The following INTS2 variants were observed in gnomAD, a reference collection of about 807,000 sequenced individuals.
INTS2 encodes integrator complex subunit 2.
INTS2 carries 57 observed loss-of-function variants against 139.6 expected under a neutral mutation model. That is an observed-to-expected ratio of 0.41 (90% CI 0.33 to 0.51). INTS2 has a LOEUF of 0.51. Among genes scored for constraint, INTS2 ranks in the 20% least tolerant of loss-of-function variants. The pLI, the probability that INTS2 is intolerant of heterozygous loss-of-function variation, is 0.28. For synonymous variants in INTS2, 473 were observed against 493.4 expected (o/e 0.96, Z 0.55); for missense variants, 1,196 against 1,436.7 (o/e 0.83, Z 2.71).
At position 61,868,967 on chromosome 17, in the gene INTS2, A is replaced by C; in HGVS notation, c.3244+67T>G. ...ACAGAAAAAACATATTGCATCACTA[A>C]ATGCAGAAAATATAGGAACTATAAT... On this transcript the variant is annotated intron_variant, in intron 23 of 24. Transcript: ENST00000251334. The surrounding 1 kb of genome is among the most constrained non-coding windows in gnomAD (Gnocchi z 4.7). 1.1e-6 allele frequency: 1 copy of C among 937,614 alleles called. No homozygotes were observed. The highest frequency in any genetic ancestry group is 1.6e-5 in the African/African-American group (1 of 61,034). 58.1% of individuals were successfully genotyped at this position (937,614 alleles called of 1,614,324 possible). A position where few individuals can be genotyped will look rare whatever the true frequency, so the allele number is the denominator to read the frequency against.
At chr17:61,916,953 A>G (rs997772993) in intron 5 of INTS2, among the ~76,000 whole-genome samples, 2 of 152,100 alleles carry the variant, frequency 1.3e-5, no homozygotes, top group African/African-American at 4.8e-5. Flanking sequence ...CAAGCAAAAA[A>G]CCACCCCATT....
rs547719682 is a variant in INTS2, at chr17:61,904,946, A to AT, written c.1182-362dup. On this transcript the variant is annotated intron_variant, in intron 8 of 24. Transcript: ENST00000251334. ...AAAACTCTGTTGATTATAATGCATA[A>AT]TTTTTTTTTTTTTTTTTTGAGACAA... Among the ~76,000 whole-genome samples the AT allele has an allele frequency of 6.6e-3, 931 of 141,154 alleles. 14 individuals are homozygous for AT. The highest frequency in any genetic ancestry group is 0.061 in the East Asian group (296 of 4,824). 92.6% of individuals were successfully genotyped at this position (141,154 alleles called of 152,430 possible).
At chr17:61,925,733 C>T (rs1188697727) in intron 2 of INTS2, among the ~76,000 whole-genome samples, 1 of 151,894 alleles carries the variant, frequency 6.6e-6, no homozygotes, top group Non-Finnish European at 1.5e-5. Context: ...GCTTTAAAAG[C>T]CTCCCAAGAG....
rs753902456 is a variant in INTS2 at position 61,890,983 on chromosome 17, C to CAA, written c.1875+528_1875+529dup. On this transcript the variant is annotated intron_variant, in intron 14 of 24. Transcript: ENST00000251334. ...GGGTGTCACAGCAAGACTCCAGTCT[C>CAA]AAAAAAAAAAAAAAAAAAAAAAAAA... Among the ~76,000 whole-genome samples the CAA allele has an allele frequency of 8.8e-4, 10 of 11,342 alleles. 1 individual carries two copies. Among genetic ancestry groups the CAA allele is most frequent in the Non-Finnish European group, 1.1e-3 (7 of 6,266 alleles). 7.4% of individuals were successfully genotyped at this position (11,342 alleles called of 152,430 possible).
At chr17:61,921,902 T>C (rs910270633) in intron 3 of INTS2, 75 bp from the exon 4 acceptor site, 28 of 766,984 alleles carry the variant, frequency 3.7e-5, no homozygotes, top group Non-Finnish European at 5.9e-5. Flanking sequence ...TAATTATTTC[T>C]TGAGCTCACA....
intron 16 of INTS2, among the ~76,000 whole-genome samples, chr17:61,884,308 T>C (rs911138215): frequency 6.6e-6 from 1 of 152,014 alleles, no homozygotes; most frequent in African/African-American, 2.4e-5. Flanking sequence ...CTGGGCAACA[T>C]AGTGAAACCC....
chr17:61,923,558 T>C (rs2079674425), intron 3 of INTS2, among the ~76,000 whole-genome samples: 2 of 151,842 alleles, frequency 1.3e-5, no homozygotes, highest in African/African-American at 4.8e-5. Flanking sequence ...AAACAGAATT[T>C]AGTCCTTTCT....
rs142214258 is a variant in INTS2, at chr17:61,924,030, A to C, written c.432+931T>G. Among the ~76,000 whole-genome samples the C allele has an allele frequency of 8.5e-5, 13 of 152,336 alleles. No individual in the cohort carries two copies. In the East Asian group the frequency reaches 2.5e-3, roughly 29 times the overall value. On this transcript the variant is annotated intron_variant, in intron 3 of 24. Coordinates refer to ENST00000251334, the MANE Select transcript of INTS2 (RefSeq NM_001351695.2). ...AGTTTCAATTAACTATATTACCCAA[A>C]GGTCTATGACCTAAGTAATCTATAA...
chr17:61,924,505 G>A (rs933934961), intron 3 of INTS2, among the ~76,000 whole-genome samples: 2 of 152,106 alleles, frequency 1.3e-5, no homozygotes, highest in African/African-American at 2.4e-5. Flanking sequence ...GCTTTGAAAG[G>A]AAAACAAATA....
intron 5 of INTS2, among the ~76,000 whole-genome samples, chr17:61,913,855 T>C (rs376075078): frequency 7.2e-5 from 11 of 152,204 alleles, no homozygotes; most frequent in Non-Finnish European, 1.0e-4. Context: ...TTTTCCTCTA[T>C]ATTTTTAGTC....
In INTS2 at chr17:61,873,711, T is replaced by C. The variant is rs1043332250; in HGVS notation, c.2582+1202A>G. 1.1e-4 allele frequency among the ~76,000 whole-genome samples: 17 copies of C among 152,306 alleles called. No homozygotes were observed. Among genetic ancestry groups the C allele is most frequent in the African/African-American group, 3.6e-4 (15 of 41,574 alleles). On this transcript the variant is annotated intron_variant, in intron 19 of 24. Coordinates refer to ENST00000251334, the MANE Select transcript of INTS2 (RefSeq NM_001351695.2). The surrounding 1 kb of genome is among the most constrained non-coding windows in gnomAD (Gnocchi z 4.0). ...CCATATTTAGCTAATTTTGTAGATT[T>C]TGTCACTTCGAGAATGTCATCCCTT...
Position 61,869,465 on chromosome 17 carries a change from C to A in INTS2, c.3031-85G>T. The stretch of plus-strand genomic sequence containing the variant: ...AAAATACAAATGAAAGATTTCATTT[C>A]CTTTCTGTAAAAATTGCTCAGAAGG... On this transcript the variant is annotated intron_variant, in intron 21 of 24. Coordinates refer to ENST00000251334, the MANE Select transcript of INTS2 (RefSeq NM_001351695.2). This position sits in a 1 kb window ranked among gnomAD's most constrained non-coding sequence, Gnocchi z 5.4. 1 of 1,082,736 alleles carries A rather than the reference C, an allele frequency of 9.2e-7. No homozygotes were observed. The highest frequency in any genetic ancestry group is 1.3e-6 in the Non-Finnish European group (1 of 743,402). 67.1% of individuals were successfully genotyped at this position (1,082,736 alleles called of 1,614,324 possible).
At position 61,884,933 on chromosome 17, in the gene INTS2, C is replaced by A; in HGVS notation, c.2057G>T (p.Arg686Leu). The A allele has an allele frequency of 6.2e-7, 1 of 1,608,156 alleles. No individual in the cohort carries two copies. Among genetic ancestry groups the A allele is most frequent in the African/African-American group, 1.3e-5 (1 of 74,850 alleles). The change falls in exon 16 of 25, where the codon CGA becomes CTA. Residue 686 changes from arginine (R) to leucine (L), a missense_variant. Physicochemically the swap from Arg to Leu is moderately radical, Grantham distance 102 (BLOSUM62 -2). Transcript: ENST00000251334. ...MDQIPIKFLI[R>L]QAQGLQQELG... is the part of the protein sequence containing the mutation. The stretch of plus-strand genomic sequence containing the variant: ...CTCCTGCTGCAGCCCTTGAGCCTGT[C>A]GAATAAGGAATTTGATAGGAATCTG...
intron 9 of INTS2, among the ~76,000 whole-genome samples, chr17:61,901,730 G>A (rs551046750): frequency 5.7e-4 from 86 of 151,716 alleles, no homozygotes; most frequent in African/African-American, 2.0e-3. Context: ...CTACAGGACT[G>A]CAGGCGCCCG....
rs1005547266 is a variant in INTS2 at position 61,881,318 on chromosome 17, C to T, written c.2090-147G>A. ...GTTTCTCAAAAAATGATTAGATGGC[C>T]GGGCGCGGTGGCTCATGCCTGTAAT... On this transcript the variant is annotated intron_variant, in intron 16 of 24. Transcript: ENST00000251334. The T allele has an allele frequency of 1.6e-5, 11 of 680,828 alleles. No homozygotes were observed. In the East Asian group the frequency reaches 2.6e-4, roughly 16 times the overall value. 42.2% of individuals were successfully genotyped at this position (680,828 alleles called of 1,614,324 possible).
At chr17:61,908,009 C>A (rs534811340) in intron 7 of INTS2, among the ~76,000 whole-genome samples, 3 of 152,148 alleles carry the variant, frequency 2.0e-5, no homozygotes, top group Admixed American at 2.0e-4. Flanking sequence ...TACTATTAGA[C>A]GATTATATAC....
intron 4 of INTS2, 115 bp from the exon 5 acceptor site, chr17:61,919,628 C>A: frequency 1.6e-6 from 1 of 615,344 alleles, no homozygotes; most frequent in South Asian, 2.0e-5. Flanking sequence ...CCAGGTGGGT[C>A]TCAAACTTTG....
At position 61,925,023 on chromosome 17, in the gene INTS2, G is replaced by C; in HGVS notation, c.370C>G (p.His124Asp). 6.2e-7 allele frequency: 1 copy of C among 1,613,672 alleles called. No homozygotes were observed. The highest frequency in any genetic ancestry group is 8.5e-7 in the Non-Finnish European group (1 of 1,179,756). ...LQHGLTLEFEHSDSPRRLRLV... is the reference protein window; with the variant it reads ...LQHGLTLEFEDSDSPRRLRLV... ...CGCAATCGACGAGGTGAATCACTGT[G>C]TTCAAACTCTAACGTCAGTCCATGC... Residue 124 changes from histidine to aspartate, a missense_variant, in exon 3 of 25, where the codon CAC becomes GAC. This residue lies in a region of INTS2 where 1,129 missense variants were observed against 1,341.9 expected (regional missense o/e 0.84). Transcript: ENST00000251334.
rs1382631736 is a variant in INTS2, at chr17:61,870,803, T to A, written c.2779-815A>T. Among the ~76,000 whole-genome samples the A allele has an allele frequency of 6.6e-6, 1 of 152,166 alleles. No homozygotes were observed. Among genetic ancestry groups the A allele is most frequent in the Non-Finnish European group, 1.5e-5 (1 of 68,038 alleles). ...AGTTTTTGGTTATTGTTATTGTTATTGTTTTGTTTTCTTTTGTTGTTGTTG... is the reference window on the plus strand; with the variant it reads ...AGTTTTTGGTTATTGTTATTGTTATAGTTTTGTTTTCTTTTGTTGTTGTTG... On this transcript the variant is annotated intron_variant, in intron 20 of 24. Transcript: ENST00000251334. The surrounding 1 kb of genome is among the most constrained non-coding windows in gnomAD (Gnocchi z 4.4).
Sources: allele counts gnomAD v4.1 joint callset (sites outside exome capture counted in the v4.1 genomes callset), GRCh38; gene constraint gnomAD v4.1.1; regional missense constraint gnomAD v4.1.1; non-coding constraint Gnocchi (gnomAD v3.1); transcripts MANE v1.5; gene names NCBI Gene and HGNC (gene_info 2026-07-23, HGNC 2026-07-21).